The following KIF2C variants were observed in gnomAD, a reference collection of about 807,000 sequenced individuals.
KIF2C encodes kinesin family member 2C.
In KIF2C, 34 loss-of-function variants were observed where a neutral mutation model predicts 97.4. The observed-to-expected ratio is 0.35, with a 90% CI of 0.27 to 0.46. The LOEUF (loss-of-function observed/expected upper bound fraction) is 0.46. Among genes scored for constraint, KIF2C ranks in the 20% least tolerant of loss-of-function variants. The probability of loss-of-function intolerance (pLI) is 1.00; values close to 1 mark genes in which losing one functional copy is unlikely to be tolerated. For synonymous variants in KIF2C, 313 were observed against 318.2 expected, an observed-to-expected ratio of 0.98 and a Z score of 0.17; for missense variants, 750 against 907.6, an observed-to-expected ratio of 0.83 and a Z score of 2.23.
At chr1:44,755,276 T>G (rs1023979358) in intron 8 of KIF2C, among the ~76,000 whole-genome samples, 1 of 151,460 alleles carries the variant, frequency 6.6e-6, no homozygotes, top group African/African-American at 2.4e-5. Flanking sequence ...TTTATTTTAC[T>G]TTTTTTTGAG....
At chr1:44,757,138 A>G (rs1275529650) in intron 10 of KIF2C, among the ~76,000 whole-genome samples, 1 of 151,998 alleles carries the variant, frequency 6.6e-6, no homozygotes, top group Non-Finnish European at 1.5e-5. Flanking sequence ...GCTGGTCTCA[A>G]ACTCCTGAGT....
intron 2 of KIF2C, among the ~76,000 whole-genome samples, chr1:44,741,379 C>CA (rs764626810): frequency 0.023 from 1,311 of 58,130 alleles, 10 homozygotes; most frequent in Middle Eastern, 0.034. Flanking sequence ...GAATCTGTCT[C>CA]AAAAAAAAAA....
chr1:44,750,599 G>T, intron 5 of KIF2C, 35 bp downstream of exon 5: 1 of 1,480,536 alleles, frequency 6.8e-7, no homozygotes, highest in Non-Finnish European at 9.1e-7. Context: ...CACCATGTTT[G>T]AGGCCCTGGA....
chr1:44,751,454 C>T (rs972637745), intron 5 of KIF2C, among the ~76,000 whole-genome samples: 4 of 150,944 alleles, frequency 2.6e-5, no homozygotes, highest in Non-Finnish European at 4.4e-5. Flanking sequence ...CCTCGGCTTC[C>T]CAAAGTTCTG....
intron 7 of KIF2C, among the ~76,000 whole-genome samples, 199 bp from the exon 8 acceptor site, chr1:44,754,551 C>G (rs144173700): frequency 1.3e-5 from 2 of 152,264 alleles, no homozygotes; most frequent in African/African-American, 4.8e-5. Context: ...CAGTTCCTAG[C>G]GTGCTTTGGC....
At chr1:44,741,156 G>A (rs1174813403) in intron 2 of KIF2C, 149 bp downstream of exon 2, 3 of 586,540 alleles carry the variant, frequency 5.1e-6, no homozygotes, top group South Asian at 2.1e-5. Flanking sequence ...GCTGAGACGG[G>A]CAGATCACCT....
At chr1:44,748,775 G>A (rs1649353660) in intron 4 of KIF2C, among the ~76,000 whole-genome samples, 1 of 140,790 alleles carries the variant, frequency 7.1e-6, no homozygotes, top group Non-Finnish European at 1.5e-5. Flanking sequence ...TCAAACTCCT[G>A]GCCTCAAGTG....
intron 10 of KIF2C, among the ~76,000 whole-genome samples, chr1:44,756,665 G>C (rs1649855636): frequency 7.0e-6 from 1 of 143,824 alleles, no homozygotes; most frequent in Admixed American, 7.6e-5. Context: ...CGATTCTCTT[G>C]CCTCAGCCTC....
chr1:44,756,917 A>T (rs1338065397), intron 10 of KIF2C, among the ~76,000 whole-genome samples: 2 of 149,774 alleles, frequency 1.3e-5, no homozygotes, highest in Admixed American at 1.3e-4. Context: ...TTTTATTTTT[A>T]TTTATTTATT....
Position 44,740,948 on chromosome 1 carries a change from T to C in KIF2C, c.106T>C (p.Leu36=). ...CAGTGCCAATGTAAGGACTGTGAACTTGGAGAAATCCTGTGTTTCAGTGGA... is the reference window on the plus strand; with the variant it reads ...CAGTGCCAATGTAAGGACTGTGAACCTGGAGAAATCCTGTGTTTCAGTGGA... ...IHSANVRTVN[L]EKSCVSVEWA... is the part of the protein sequence containing the mutation. Residue 36 remains leucine, a synonymous_variant, in exon 2 of 21, where the codon TTG becomes CTG. Transcript: ENST00000372224. 4 of 1,613,946 alleles carry C rather than the reference T, an allele frequency of 2.5e-6. No homozygotes were observed. Among genetic ancestry groups the C allele is most frequent in the Non-Finnish European group, 3.4e-6 (4 of 1,179,866 alleles).
chr1:44,745,490 T>TTTTTTGG (rs1649142968), intron 2 of KIF2C, among the ~76,000 whole-genome samples: 1 of 142,430 alleles, frequency 7.0e-6, no homozygotes, highest in Non-Finnish European at 1.5e-5. Context: ...TTTTTTTTTT[T>TTTTTTGG]GAGACAGTGT....
In KIF2C at chr1:44,766,620, CAAAG is replaced by C. The variant is rs774122759; in HGVS notation, c.1972-202_1972-199del. Reference sequence around the variant, plus strand: ...GAGTGAAACTGTCTCAAAAAAGAAACAAAGAAAACGAAAAAAACAAGCTTGGGGT... The same window carrying C: ...GAGTGAAACTGTCTCAAAAAAGAAACAAAACGAAAAAAACAAGCTTGGGGT... On this transcript the variant is annotated intron_variant, in intron 19 of 20. Coordinates refer to ENST00000372224, the MANE Select transcript of KIF2C (RefSeq NM_006845.4). Among the ~76,000 whole-genome samples, 213 of 151,030 alleles carry C rather than the reference CAAAG, an allele frequency of 1.4e-3. 4 individuals carry two copies. The highest frequency in any genetic ancestry group is 0.011 in the Admixed American group (163 of 15,224).
intron 2 of KIF2C, among the ~76,000 whole-genome samples, chr1:44,745,354 C>T (rs369039567): frequency 9.5e-5 from 14 of 147,930 alleles, no homozygotes; most frequent in African/African-American, 3.5e-4. Flanking sequence ...GTGATTCTAT[C>T]CTCCTTTTTT....
rs1051776953 is a variant in KIF2C at position 44,743,665 on chromosome 1, G to A, written c.165+2658G>A. ...CAATTAGCCAGTCATAGTGGCTTGCGCCTGTGGTCCCAGCTACTCCAGAGG... is the reference window on the plus strand; with the variant it reads ...CAATTAGCCAGTCATAGTGGCTTGCACCTGTGGTCCCAGCTACTCCAGAGG... On this transcript the variant is annotated intron_variant, in intron 2 of 20. Coordinates refer to ENST00000372224, the MANE Select transcript of KIF2C (RefSeq NM_006845.4). 3.3e-5 allele frequency among the ~76,000 whole-genome samples: 5 copies of A among 152,212 alleles called. No homozygotes were observed. The East Asian group carries it at 9.6e-4, about 29-fold the overall frequency.
At chr1:44,750,865 A>G (rs1316784819) in intron 5 of KIF2C, among the ~76,000 whole-genome samples, 1 of 152,208 alleles carries the variant, frequency 6.6e-6, no homozygotes, top group African/African-American at 2.4e-5. Context: ...CAGTACTTCA[A>G]ATCGCCTGAG....
chr1:44,762,915 GA>G (rs1650245282), intron 19 of KIF2C, among the ~76,000 whole-genome samples: 2 of 152,214 alleles, frequency 1.3e-5, no homozygotes, highest in South Asian at 4.1e-4. Context: ...CCACGCTCCT[GA>G]TAGAGGATTT....
chr1:44,761,924 G>C lies in KIF2C; in HGVS notation c.1692G>C (p.Thr564=), dbSNP rs371256246. 2 of 1,613,916 alleles carry C rather than the reference G, an allele frequency of 1.2e-6. No individual in the cohort carries two copies. Among genetic ancestry groups the C allele is most frequent in the South Asian group, 1.1e-5 (1 of 91,080 alleles). ...CCACCCCTCTTTTGCAGATTGCCACGATCTCACCAGGCATAAGCTCCTGTG... is the reference window on the plus strand; with the variant it reads ...CCACCCCTCTTTTGCAGATTGCCACCATCTCACCAGGCATAAGCTCCTGTG... ...GENSRTCMIA[T]ISPGISSCEY... is the part of the protein sequence containing the mutation. The change falls in exon 17 of 21, where the codon ACG becomes ACC. Residue 564 remains threonine (T), a synonymous_variant. Transcript: ENST00000372224.
rs139949660 is a variant in KIF2C at position 44,753,735 on chromosome 1, C to T, written c.565C>T (p.Arg189Trp). Reference protein sequence around the residue: ...SSSANPVNSVRRKSCLVKEVE... With the variant: ...SSSANPVNSVWRKSCLVKEVE... ...CTTTTTTTTTTATGTTTTCATAGTT[C>T]GGAGGAAATCATGTCTTGTGAAGGA... Residue 189 changes from arginine to tryptophan, a missense_variant and splice_region_variant, in exon 7 of 21, where the codon CGG becomes TGG. Coordinates refer to ENST00000372224, the MANE Select transcript of KIF2C (RefSeq NM_006845.4). The T allele has an allele frequency of 5.7e-6, 9 of 1,577,492 alleles. No homozygotes were observed. The highest frequency in any genetic ancestry group is 1.8e-5 in the Admixed American group (1 of 55,380).
intron 19 of KIF2C, among the ~76,000 whole-genome samples, chr1:44,764,798 C>G (rs1278598812): frequency 6.6e-6 from 1 of 152,176 alleles, no homozygotes; most frequent in Non-Finnish European, 1.5e-5. Context: ...CGTGAGCCAC[C>G]ACGCCCAGTC....
Sources: allele counts gnomAD v4.1 joint callset (sites outside exome capture counted in the v4.1 genomes callset), GRCh38; gene constraint gnomAD v4.1.1; transcripts MANE v1.5; gene names NCBI Gene and HGNC (gene_info 2026-07-23, HGNC 2026-07-21).